The following SLC8A1 variants were observed in gnomAD, a reference collection of about 807,000 sequenced individuals.
SLC8A1 encodes solute carrier family 8 member A1, also known as sodium/calcium exchanger 1.
A neutral mutation model predicts 68.3 loss-of-function variants in SLC8A1; 18 were observed. That is an observed-to-expected ratio of 0.26 (90% CI 0.18 to 0.39). The LOEUF (loss-of-function observed/expected upper bound fraction) is 0.39. Among genes scored for constraint, SLC8A1 ranks in the 10% least tolerant of loss-of-function variants. The pLI is 1.00. For missense variants in SLC8A1, 985 were observed against 1,156.7 expected (o/e 0.85, Z 2.15); for synonymous variants, 475 against 415.5 (o/e 1.14, Z -1.74).
intron 4 of SLC8A1, among the ~76,000 whole-genome samples, chr2:40,169,556 G>A (rs1034256654): frequency 6.6e-6 from 1 of 152,178 alleles, no homozygotes; most frequent in East Asian, 1.9e-4. Flanking sequence ...AAACCCCACA[G>A]ATGTACTATC....
At chr2:40,221,682 GAT>G (rs892812071) in intron 2 of SLC8A1, among the ~76,000 whole-genome samples, 48 of 152,254 alleles carry the variant, frequency 3.2e-4, no homozygotes, top group African/African-American at 9.6e-4. Context: ...AAAGTCTCTG[GAT>G]ACAAAATCAA....
chr2:40,276,157 A>G (rs1375425597), intron 2 of SLC8A1, among the ~76,000 whole-genome samples: 1 of 152,154 alleles, frequency 6.6e-6, no homozygotes, highest in Non-Finnish European at 1.5e-5. Context: ...CATTTGGGAA[A>G]ACTGGAATTT....
intron 1 of SLC8A1, among the ~76,000 whole-genome samples, chr2:40,478,156 G>A (rs1394788300): frequency 6.6e-6 from 1 of 152,022 alleles, no homozygotes; most frequent in Non-Finnish European, 1.5e-5. Context: ...TGCCTTGGCT[G>A]GGGATGATAA....
At chr2:40,428,625 G>C in exon 2 of SLC8A1, 4 of 1,613,782 alleles carry the variant, frequency 2.5e-6, no homozygotes, top group Non-Finnish European at 3.4e-6. Flanking sequence ...TGATGCCAAT[G>C]CTCTCACTCA....
At chr2:40,299,774 A>C (rs2071090692) in intron 2 of SLC8A1, among the ~76,000 whole-genome samples, 1 of 152,150 alleles carries the variant, frequency 6.6e-6, no homozygotes, top group African/African-American at 2.4e-5. Flanking sequence ...TCAGCATAAT[A>C]ATCCCTGGGC....
intron 2 of SLC8A1, among the ~76,000 whole-genome samples, chr2:40,275,072 T>C (rs1054600614): frequency 8.5e-5 from 13 of 152,308 alleles, no homozygotes; most frequent in Admixed American, 5.2e-4. Flanking sequence ...ATTAAAACAA[T>C]TGACAAATGG....
chr2:40,261,752 G>C (rs571635126), intron 2 of SLC8A1, among the ~76,000 whole-genome samples: 1 of 127,466 alleles, frequency 7.8e-6, no homozygotes, highest in South Asian at 2.6e-4. Context: ...TGCCACAGTC[G>C]TTGCACTGTG....
At chr2:40,445,299 C>T (rs2149845522) in intron 1 of SLC8A1, among the ~76,000 whole-genome samples, 1 of 152,106 alleles carries the variant, frequency 6.6e-6, no homozygotes, top group Admixed American at 6.5e-5. Flanking sequence ...TCTGAGGACC[C>T]TAGGTTGGTT....
At chr2:40,374,037 A>T (rs983651683) in intron 2 of SLC8A1, among the ~76,000 whole-genome samples, 1 of 152,156 alleles carries the variant, frequency 6.6e-6, no homozygotes, top group African/African-American at 2.4e-5. Flanking sequence ...CACAGGACGC[A>T]GTGAGGTAAA....
At chr2:40,341,346 A>C (rs905842048) in intron 2 of SLC8A1, among the ~76,000 whole-genome samples, 14 of 152,334 alleles carry the variant, frequency 9.2e-5, no homozygotes, top group African/African-American at 3.1e-4. Context: ...AGTGGCTAAA[A>C]ACAGCTGTCT....
At chr2:40,392,736 T>C (rs963914487) in intron 2 of SLC8A1, among the ~76,000 whole-genome samples, 1 of 151,984 alleles carries the variant, frequency 6.6e-6, no homozygotes, top group Non-Finnish European at 1.5e-5. Flanking sequence ...ATGATCACAG[T>C]ACCGGAAAAA....
chr2:40,288,849 A>ATG (rs949794541), intron 2 of SLC8A1, among the ~76,000 whole-genome samples: 3 of 138,762 alleles, frequency 2.2e-5, no homozygotes, highest in Non-Finnish European at 4.5e-5. Context: ...ATATATATAT[A>ATG]TATGTATATA....
chr2:40,305,986 C>G (rs886583761), intron 2 of SLC8A1, among the ~76,000 whole-genome samples: 16 of 152,140 alleles, frequency 1.1e-4, no homozygotes, highest in Non-Finnish European at 1.5e-4. Flanking sequence ...CTTGGCACAT[C>G]TTAAATGCAT....
intron 2 of SLC8A1, among the ~76,000 whole-genome samples, chr2:40,281,989 G>A (rs1247955149): frequency 6.6e-6 from 1 of 152,120 alleles, no homozygotes; most frequent in Non-Finnish European, 1.5e-5. Flanking sequence ...TTCTAGAAAA[G>A]TATAACAGTG....
intron 2 of SLC8A1, among the ~76,000 whole-genome samples, chr2:40,345,748 A>G (rs529285712): frequency 6.6e-6 from 1 of 152,312 alleles, no homozygotes; most frequent in East Asian, 1.9e-4. Context: ...ACAGGAACAG[A>G]AAACCAAACA....
At chr2:40,350,958 G>A (rs746244113) in intron 2 of SLC8A1, among the ~76,000 whole-genome samples, 33 of 152,068 alleles carry the variant, frequency 2.2e-4, no homozygotes, top group Non-Finnish European at 2.8e-4. Flanking sequence ...CTAGTATATG[G>A]CAGAGCTGAG....
At chr2:40,415,369 T>A (rs547241793) in intron 2 of SLC8A1, among the ~76,000 whole-genome samples, 1 of 151,930 alleles carries the variant, frequency 6.6e-6, no homozygotes, top group South Asian at 2.1e-4. Flanking sequence ...CTACTTCACC[T>A]GTAACTACAA....
At chr2:40,206,690 A>C (rs1040012640) in intron 2 of SLC8A1, among the ~76,000 whole-genome samples, 1 of 152,040 alleles carries the variant, frequency 6.6e-6, no homozygotes, top group South Asian at 2.1e-4. Flanking sequence ...CCTGGGAACA[A>C]AATGTCAGAG....
At chr2:40,434,558 G>A (rs1576463042) in intron 1 of SLC8A1, among the ~76,000 whole-genome samples, 1 of 152,218 alleles carries the variant, frequency 6.6e-6, no homozygotes, top group Admixed American at 6.5e-5. Flanking sequence ...AATAGAGACT[G>A]TGGATATGTT....
Sources: gnomAD v4.1 joint callset for allele counts (sites outside exome capture counted in the v4.1 genomes callset) on GRCh38, gnomAD v4.1.1 for gene constraint, MANE v1.5 for transcripts, NCBI Gene and HGNC (gene_info 2026-07-23, HGNC 2026-07-21) for gene names.